CHST11: variants seen among roughly 807,000 people sequenced by gnomAD.
The protein encoded by CHST11 is C4S-1.
In CHST11, 9 loss-of-function variants were observed where a neutral mutation model predicts 30.4. The ratio of observed to expected loss-of-function variants is 0.30; its 90% CI spans 0.18 to 0.52. The LOEUF is 0.52. Ranked by LOEUF, CHST11 falls within the 20% of genes least tolerant of loss-of-function variation. The probability of loss-of-function intolerance (pLI) is 0.97; values close to 1 mark genes in which losing one functional copy is unlikely to be tolerated. For synonymous variants in CHST11, 152 were observed against 187.8 expected, an observed-to-expected ratio of 0.81 and a Z score of 1.56; for missense variants, 348 against 460.6, an observed-to-expected ratio of 0.76 and a Z score of 2.24.
At chr12:104,547,448 C>T (rs764686660) in intron 1 of CHST11, among the ~76,000 whole-genome samples, 7 of 152,182 alleles carry the variant, frequency 4.6e-5, no homozygotes, top group Non-Finnish European at 1.0e-4. Flanking sequence ...TTAACAAATG[C>T]GAGCATCCAG....
chr12:104,694,493 T>G (rs1566041380), intron 2 of CHST11, among the ~76,000 whole-genome samples: 1 of 152,216 alleles, frequency 6.6e-6, no homozygotes, highest in Non-Finnish European at 1.5e-5. Context: ...TTTTTGGTTT[T>G]GTTTTGTTTT....
Position 104,757,828 on chromosome 12 carries a change from C to T in CHST11, c.*25C>T. 1.3e-6 allele frequency: 2 copies of T among 1,565,674 alleles called. No homozygotes were observed. The highest frequency in any genetic ancestry group is 2.3e-5 in the East Asian group (1 of 44,358). ...AAGGGGGTGGGGAGAGGGAGAGAAT[C>T]ATGCTTTTTAATTTAAGATTTTTAT... On this transcript the variant is annotated 3_prime_UTR_variant, in exon 3 of 3. Transcript: ENST00000303694. This position sits in a 1 kb window ranked among gnomAD's most constrained non-coding sequence, Gnocchi z 6.5.
intron 2 of CHST11, among the ~76,000 whole-genome samples, chr12:104,642,064 G>C (rs1243412477): frequency 6.6e-6 from 1 of 152,168 alleles, no homozygotes; most frequent in Non-Finnish European, 1.5e-5. Flanking sequence ...CCTTACAACA[G>C]AGTCATCTGA....
intron 2 of CHST11, among the ~76,000 whole-genome samples, chr12:104,652,408 T>C (rs1566023697): frequency 6.7e-6 from 1 of 150,268 alleles, no homozygotes; most frequent in East Asian, 1.9e-4. Context: ...CCTGAGTGGC[T>C]GTAAGAAAAT....
At chr12:104,487,993 C>T (rs183697127) in intron 1 of CHST11, among the ~76,000 whole-genome samples, 101 of 152,116 alleles carry the variant, frequency 6.6e-4, no homozygotes, top group African/African-American at 2.2e-3. Context: ...ACTGCAGCCT[C>T]GAACTCCTGG....
intron 1 of CHST11, among the ~76,000 whole-genome samples, chr12:104,573,884 T>C (rs1433063144): frequency 6.6e-6 from 1 of 152,112 alleles, no homozygotes; most frequent in African/African-American, 2.4e-5. Context: ...CTAAAGACCT[T>C]CTGCACAGCA....
intron 2 of CHST11, among the ~76,000 whole-genome samples, chr12:104,665,519 C>A (rs1453123219): frequency 1.3e-5 from 2 of 152,094 alleles, no homozygotes; most frequent in African/African-American, 4.8e-5. Flanking sequence ...TTTTCCTCAT[C>A]TGTAAACTTG....
intron 2 of CHST11, among the ~76,000 whole-genome samples, chr12:104,662,927 A>G (rs1393442239): frequency 1.3e-5 from 2 of 152,246 alleles, no homozygotes; most frequent in African/African-American, 4.8e-5. Flanking sequence ...AAATAGCAAA[A>G]CTGGAGGCAT....
At chr12:104,520,460 T>G (rs2038064104) in intron 1 of CHST11, among the ~76,000 whole-genome samples, 1 of 152,080 alleles carries the variant, frequency 6.6e-6, no homozygotes, top group Admixed American at 6.5e-5. Context: ...GGAGCACCAC[T>G]GCTGCTGCTA....
At chr12:104,684,989 T>A (rs1306488680) in intron 2 of CHST11, among the ~76,000 whole-genome samples, 2 of 152,256 alleles carry the variant, frequency 1.3e-5, no homozygotes, top group Non-Finnish European at 2.9e-5. Flanking sequence ...TAAGTCAAAA[T>A]CTTAGTAAAC....
intron 1 of CHST11, among the ~76,000 whole-genome samples, chr12:104,511,403 G>A (rs997468425): frequency 6.6e-6 from 1 of 152,166 alleles, no homozygotes. Context: ...CTCATAGAAG[G>A]CTCGTGTGAT....
intron 2 of CHST11, among the ~76,000 whole-genome samples, chr12:104,612,007 GC>G (rs1189458067): frequency 2.0e-5 from 3 of 152,184 alleles, no homozygotes; most frequent in African/African-American, 7.2e-5. Context: ...TCGCCGCTTA[GC>G]CCACACTCAG....
chr12:104,617,733 A>G (rs529220332), intron 2 of CHST11, among the ~76,000 whole-genome samples: 1 of 152,280 alleles, frequency 6.6e-6, no homozygotes, highest in South Asian at 2.1e-4. Flanking sequence ...TGGCAGAGCA[A>G]TTTGGTGTCA....
chr12:104,685,342 T>C (rs2039836719), intron 2 of CHST11, among the ~76,000 whole-genome samples: 1 of 152,278 alleles, frequency 6.6e-6, no homozygotes, highest in Non-Finnish European at 1.5e-5. Flanking sequence ...TTAGGTTGTT[T>C]GGTATAAGAA....
chr12:104,570,825 G>A (rs2038616802), intron 1 of CHST11, among the ~76,000 whole-genome samples: 1 of 151,840 alleles, frequency 6.6e-6, no homozygotes, highest in South Asian at 2.1e-4. Flanking sequence ...TGAGTAGCTG[G>A]GATTACAGGC....
intron 2 of CHST11, among the ~76,000 whole-genome samples, chr12:104,682,701 G>T (rs953061685): frequency 5.3e-5 from 8 of 152,190 alleles, no homozygotes; most frequent in African/African-American, 1.9e-4. Context: ...CCTCCATATG[G>T]CATTAGGATT....
At chr12:104,678,565 T>C (rs1003621612) in intron 2 of CHST11, among the ~76,000 whole-genome samples, 2 of 152,234 alleles carry the variant, frequency 1.3e-5, no homozygotes, top group Non-Finnish European at 2.9e-5. Context: ...ATGAAAAACA[T>C]CAAATGAATT....
chr12:104,702,429 G>C (rs115642839), intron 2 of CHST11, among the ~76,000 whole-genome samples: 4,820 of 152,188 alleles, frequency 0.032, 191 homozygotes, highest in African/African-American at 0.092. Context: ...CAGCAAGCAA[G>C]TCTGGGAACC....
chr12:104,618,956 C>A (rs961133837), intron 2 of CHST11, among the ~76,000 whole-genome samples: 3 of 152,154 alleles, frequency 2.0e-5, no homozygotes, highest in Admixed American at 1.3e-4. Flanking sequence ...GTCTTTAAGT[C>A]AAGATGAAAC....
Sources: gnomAD v4.1 joint callset for allele counts (sites outside exome capture counted in the v4.1 genomes callset) on GRCh38, gnomAD v4.1.1 for gene constraint, Gnocchi (gnomAD v3.1) non-coding constraint, MANE v1.5 for transcripts, NCBI Gene and HGNC (gene_info 2026-07-23, HGNC 2026-07-21) for gene names.